Variants in PTK2B observed in about 807,000 individuals in gnomAD.
PTK2B encodes protein-tyrosine kinase 2-beta.
Under a neutral mutation model 142.9 loss-of-function variants are expected in PTK2B, and 71 were observed. The ratio of observed to expected loss-of-function variants is 0.50; its 90% CI spans 0.41 to 0.61. The LOEUF is 0.61. Among genes scored for constraint, PTK2B ranks in the 20% least tolerant of loss-of-function variants. The probability of loss-of-function intolerance (pLI) is 0.00; values close to 1 mark genes in which losing one functional copy is unlikely to be tolerated. For missense variants in PTK2B, 1,105 were observed against 1,320.4 expected (o/e 0.84, Z 2.53); for synonymous variants, 519 against 503.4 (o/e 1.03, Z -0.42).
At chr8:27,348,885 G>A (rs956899356) in intron 1 of PTK2B, among the ~76,000 whole-genome samples, 13 of 152,002 alleles carry the variant, frequency 8.6e-5, no homozygotes, top group African/African-American at 2.4e-4. Context: ...GCCATTCCCC[G>A]CTGCCTCTTC....
chr8:27,415,327 C>T (rs1228820595), intron 2 of PTK2B, among the ~76,000 whole-genome samples: 1 of 152,164 alleles, frequency 6.6e-6, no homozygotes, highest in African/African-American at 2.4e-5. Context: ...TGCTAGTCTG[C>T]ATTTCAGTTA....
rs1809856241 is a variant in PTK2B, at chr8:27,423,007, CAG to C, written c.551+625_551+626del. On this transcript the variant is annotated intron_variant, in intron 5 of 30. Coordinates refer to ENST00000346049, the MANE Select transcript of PTK2B (RefSeq NM_173176.3). ...GAGAAAGATTTCAATCAGCAGAGAA[CAG>C]GGGTCAGGGGAGATACACTCCAGGC... Among the ~76,000 whole-genome samples, 3 of 152,200 alleles carry C rather than the reference CAG, an allele frequency of 2.0e-5. No homozygotes were observed. The South Asian group carries it at 6.2e-4, about 32-fold the overall frequency.
chr8:27,338,177 ATGTC>A (rs576043201), intron 1 of PTK2B, among the ~76,000 whole-genome samples: 29 of 151,996 alleles, frequency 1.9e-4, no homozygotes, highest in Admixed American at 9.2e-4. Flanking sequence ...GGGAAAAAAA[ATGTC>A]TGTTCAAATC....
chr8:27,453,082 C>T, intron 27 of PTK2B, 32 bp from the exon 28 acceptor site: 1 of 1,612,992 alleles, frequency 6.2e-7, no homozygotes, highest in East Asian at 2.2e-5. Flanking sequence ...GTGCTGAGAA[C>T]TGCCCCCCAC....
At chr8:27,401,328 T>C (rs544322102) in intron 2 of PTK2B, among the ~76,000 whole-genome samples, 3 of 152,256 alleles carry the variant, frequency 2.0e-5, no homozygotes, top group South Asian at 4.1e-4. Context: ...AAGGAAATAG[T>C]GGCTGGTAGT....
chr8:27,345,026 G>T (rs908630538), intron 1 of PTK2B, among the ~76,000 whole-genome samples: 2 of 152,192 alleles, frequency 1.3e-5, no homozygotes, highest in African/African-American at 4.8e-5. Flanking sequence ...AGCCAGACAT[G>T]GTGGTGGGCA....
chr8:27,354,397 C>A (rs1279569256), intron 1 of PTK2B, among the ~76,000 whole-genome samples: 1 of 152,076 alleles, frequency 6.6e-6, no homozygotes, highest in Non-Finnish European at 1.5e-5. Flanking sequence ...TGAGCCGTCT[C>A]CACTAGCACA....
At chr8:27,367,177 A>G (rs1047376785) in intron 1 of PTK2B, among the ~76,000 whole-genome samples, 1 of 152,190 alleles carries the variant, frequency 6.6e-6, no homozygotes, top group Non-Finnish European at 1.5e-5. Flanking sequence ...CACACATGCC[A>G]CACACACACT....
intron 2 of PTK2B, among the ~76,000 whole-genome samples, chr8:27,416,669 A>G (rs1394280873): frequency 6.6e-6 from 1 of 152,232 alleles, no homozygotes; most frequent in East Asian, 1.9e-4. Context: ...GCAATGCAGA[A>G]TGGGCACACT....
At chr8:27,330,213 A>G (rs1803661621) in intron 1 of PTK2B, among the ~76,000 whole-genome samples, 1 of 152,220 alleles carries the variant, frequency 6.6e-6, no homozygotes, top group South Asian at 2.1e-4. Flanking sequence ...ACAATAAAAC[A>G]TTCAGTCCCA....
chr8:27,397,349 A>T (rs1275717196), intron 1 of PTK2B, 199 bp from the exon 2 acceptor site: 1 of 550,950 alleles, frequency 1.8e-6, no homozygotes, highest in African/African-American at 1.9e-5. Context: ...TCATACCTGG[A>T]TGCTTCTGCA....
intron 1 of PTK2B, among the ~76,000 whole-genome samples, chr8:27,384,153 C>T (rs1410800531): frequency 1.3e-5 from 2 of 151,908 alleles, no homozygotes; most frequent in Non-Finnish European, 2.9e-5. Flanking sequence ...ACCGGCCCAA[C>T]ACCTGGCAAA....
chr8:27,312,117 T>C (rs139118161), intron 1 of PTK2B, among the ~76,000 whole-genome samples: 34 of 152,354 alleles, frequency 2.2e-4, no homozygotes, highest in Non-Finnish European at 4.4e-4. Context: ...ACAGTAGGCC[T>C]GGATGGTTCC....
rs1811921567 is a variant in PTK2B at position 27,453,096 on chromosome 8, C to A, written c.2549-18C>A. On this transcript the variant is annotated intron_variant, in intron 27 of 30. Transcript: ENST00000346049. Reference sequence around the variant, plus strand: ...AGTGCTGAGAACTGCCCCCCACTTGCTGTTCTTTTTATTGCAGTGGAGTTC... The same window carrying A: ...AGTGCTGAGAACTGCCCCCCACTTGATGTTCTTTTTATTGCAGTGGAGTTC... 6.2e-7 allele frequency: 1 copy of A among 1,613,680 alleles called. No homozygotes were observed. The highest frequency in any genetic ancestry group is 8.5e-7 in the Non-Finnish European group (1 of 1,179,940).
Position 27,402,393 on chromosome 8 carries a change from C to T in PTK2B, c.204+4605C>T, listed in dbSNP as rs898468832. Among the ~76,000 whole-genome samples, 7 of 152,290 alleles carry T rather than the reference C, an allele frequency of 4.6e-5. 1 individual carries two copies. Among genetic ancestry groups the T allele is most frequent in the Admixed American group, 3.9e-4 (6 of 15,300 alleles). Reference sequence around the variant, plus strand: ...GAGTACAATTGAGACACATTAACATCTTCACATGGAAATGCTGAGTAGATC... The same window carrying T: ...GAGTACAATTGAGACACATTAACATTTTCACATGGAAATGCTGAGTAGATC... On this transcript the variant is annotated intron_variant, in intron 2 of 30. Transcript: ENST00000346049.
At chr8:27,387,938 C>G (rs186838561) in intron 1 of PTK2B, among the ~76,000 whole-genome samples, 2 of 151,804 alleles carry the variant, frequency 1.3e-5, no homozygotes, top group African/African-American at 2.4e-5. Flanking sequence ...TTTTTTGATC[C>G]TCTGTTAAAG....
At chr8:27,323,175 TC>T (rs1278510500), upstream of PTK2B, 1 of 152,258 alleles carries the variant, frequency 6.6e-6, no homozygotes, top group Non-Finnish European at 1.5e-5. Flanking sequence ...TTTGTGGGAC[TC>T]CCAGGACTTA....
At chr8:27,407,959 A>G (rs725787) in intron 2 of PTK2B, among the ~76,000 whole-genome samples, 23,182 of 152,234 alleles carry the variant, frequency 0.15, 2,075 homozygotes, top group Admixed American at 0.22. Flanking sequence ...ATTCCAACAT[A>G]TATTAGTCTG....
chr8:27,430,158 A>G lies in PTK2B; in HGVS notation c.614+3A>G. 1 of 1,611,996 alleles carries G rather than the reference A, an allele frequency of 6.2e-7. No individual in the cohort carries two copies. Among genetic ancestry groups the G allele is most frequent in the Non-Finnish European group, 8.5e-7 (1 of 1,178,106 alleles). ...AAGTCCAACTTCGAGCTCCTAGAGTAAGTTCTGGGATCACCCATCTCCCCT... is the reference window on the plus strand; with the variant it reads ...AAGTCCAACTTCGAGCTCCTAGAGTGAGTTCTGGGATCACCCATCTCCCCT... On this transcript the variant is annotated splice_donor_region_variant and intron_variant, in intron 6 of 30. Coordinates refer to ENST00000346049, the MANE Select transcript of PTK2B (RefSeq NM_173176.3).
Sources: allele counts gnomAD v4.1 joint callset (sites outside exome capture counted in the v4.1 genomes callset), GRCh38; gene constraint gnomAD v4.1.1; transcripts MANE v1.5; gene names NCBI Gene and HGNC (gene_info 2026-07-23, HGNC 2026-07-21).